Variants in DOCK2 observed in about 807,000 individuals in gnomAD.
DOCK2 encodes dedicator of cytokinesis protein 2.
Under a neutral mutation model 248.9 loss-of-function variants are expected in DOCK2, and 87 were observed. That is an observed-to-expected ratio of 0.35 (90% confidence interval 0.29 to 0.42). DOCK2 has a LOEUF of 0.42. Ranked by LOEUF, DOCK2 falls within the 10% of genes least tolerant of loss-of-function variation. The pLI is 1.00. For missense variants in DOCK2, 1,747 were observed against 2,300.2 expected, an observed-to-expected ratio of 0.76 and a Z score of 4.92; for synonymous variants, 805 against 821.6, an observed-to-expected ratio of 0.98 and a Z score of 0.35.
chr5:169,824,999 G>C (rs1422544869), intron 26 of DOCK2, among the ~76,000 whole-genome samples: 1 of 152,142 alleles, frequency 6.6e-6, no homozygotes, highest in Non-Finnish European at 1.5e-5. Context: ...CATTTATGCA[G>C]CCAAAAAACA....
At chr5:169,920,054 C>T (rs1396610863) in intron 27 of DOCK2, among the ~76,000 whole-genome samples, 1 of 152,122 alleles carries the variant, frequency 6.6e-6, no homozygotes, top group Non-Finnish European at 1.5e-5. Flanking sequence ...TAATCCACAA[C>T]ACAACTTTGT....
chr5:169,639,084 G>C (rs1757008943), intron 1 of DOCK2, among the ~76,000 whole-genome samples: 1 of 152,180 alleles, frequency 6.6e-6, no homozygotes, highest in South Asian at 2.1e-4. Context: ...TTCAAAGTTT[G>C]GATTTCCTTC....
chr5:169,867,621 CTATCATCT>C (rs2113440974), intron 27 of DOCK2, among the ~76,000 whole-genome samples: 1 of 84,650 alleles, frequency 1.2e-5, no homozygotes, highest in East Asian at 2.2e-4. Flanking sequence ...GTATCATTAT[CTATCATCT>C]ATCTATCTAT....
intron 27 of DOCK2, among the ~76,000 whole-genome samples, chr5:169,964,484 G>C (rs1777220318): frequency 1.3e-5 from 2 of 152,248 alleles, no homozygotes; most frequent in Non-Finnish European, 1.5e-5. Context: ...TCAGACAGGT[G>C]GCTCATGGGA....
chr5:169,962,475 T>G (rs560112621), intron 27 of DOCK2, among the ~76,000 whole-genome samples: 1 of 152,150 alleles, frequency 6.6e-6, no homozygotes, highest in Non-Finnish European at 1.5e-5. Context: ...GGTGTGAAGA[T>G]GAAGAATTCC....
intron 33 of DOCK2, among the ~76,000 whole-genome samples, chr5:170,019,954 C>T (rs1755663614): frequency 6.6e-6 from 1 of 152,148 alleles, no homozygotes; most frequent in South Asian, 2.1e-4. Flanking sequence ...ACCTCTTATT[C>T]CTACCATATC....
chr5:169,957,531 G>C (rs1251490257), intron 27 of DOCK2, among the ~76,000 whole-genome samples: 5 of 152,170 alleles, frequency 3.3e-5, no homozygotes, highest in Non-Finnish European at 7.3e-5. Context: ...GAGGTGTCAG[G>C]TGACTGCTCC....
chr5:169,683,589 C>T (rs1483536160), intron 7 of DOCK2, among the ~76,000 whole-genome samples: 1 of 152,176 alleles, frequency 6.6e-6, no homozygotes, highest in Admixed American at 6.5e-5. Context: ...TCCTCGTCAA[C>T]ACTTGATATC....
chr5:169,971,605 T>A (rs1208350259), intron 27 of DOCK2, among the ~76,000 whole-genome samples: 1 of 152,190 alleles, frequency 6.6e-6, no homozygotes. Context: ...CAGAGTGTGA[T>A]GATTCTGCCA....
At chr5:169,910,875 C>A (rs73325974) in intron 27 of DOCK2, among the ~76,000 whole-genome samples, 9,987 of 152,240 alleles carry the variant, frequency 0.066, 565 homozygotes, top group African/African-American at 0.14. Flanking sequence ...TCGGTTTCTC[C>A]TGCAGGGGGT....
intron 27 of DOCK2, among the ~76,000 whole-genome samples, chr5:169,910,666 C>T (rs573701057): frequency 1.1e-4 from 16 of 152,196 alleles, no homozygotes; most frequent in Non-Finnish European, 2.1e-4. Context: ...ATGAAGTCCC[C>T]AAAATGACCT....
chr5:169,675,437 A>G (rs1311166532), intron 6 of DOCK2, among the ~76,000 whole-genome samples: 1 of 152,236 alleles, frequency 6.6e-6, no homozygotes, highest in Non-Finnish European at 1.5e-5. Context: ...GGCTGTAGAA[A>G]TAAAAGTCCC....
intron 29 of DOCK2, among the ~76,000 whole-genome samples, chr5:169,989,466 A>G (rs904479482): frequency 3.9e-5 from 6 of 152,212 alleles, no homozygotes; most frequent in Non-Finnish European, 4.4e-5. Context: ...ACCACCAAAT[A>G]TTTATTGAAT....
Position 169,799,131 on chromosome 5 carries a change from A to G in DOCK2, c.2555-3927A>G, listed in dbSNP as rs148884099. 8.3e-3 allele frequency among the ~76,000 whole-genome samples: 1,262 copies of G among 152,328 alleles called. 1 individual carries two copies. Among genetic ancestry groups the G allele is most frequent in the Non-Finnish European group, 0.013 (900 of 68,018 alleles). ...TCACCTGGATTGTCATCACCATGGC[A>G]TCTTCACTGCAGTGACACAGATTTC... On this transcript the variant is annotated intron_variant, in intron 25 of 51. Transcript: ENST00000520908.
chr5:169,998,729 A>T (rs926576324), intron 30 of DOCK2, among the ~76,000 whole-genome samples: 1 of 152,208 alleles, frequency 6.6e-6, no homozygotes. Flanking sequence ...AGATGACTAC[A>T]GCCACGTGCC....
chr5:169,882,317 TA>T (rs1772702431), intron 27 of DOCK2, among the ~76,000 whole-genome samples: 1 of 152,168 alleles, frequency 6.6e-6, no homozygotes, highest in Non-Finnish European at 1.5e-5. Flanking sequence ...CCCATTCTGT[TA>T]ACACCTGAAA....
chr5:169,758,029 A>G (rs1764283953), intron 23 of DOCK2, among the ~76,000 whole-genome samples: 1 of 152,176 alleles, frequency 6.6e-6, no homozygotes, highest in South Asian at 2.1e-4. Flanking sequence ...TGAACAATCT[A>G]TCCTACAAGG....
chr5:169,941,213 A>G (rs1312551483), intron 27 of DOCK2, among the ~76,000 whole-genome samples: 1 of 151,948 alleles, frequency 6.6e-6, no homozygotes, highest in Non-Finnish European at 1.5e-5. Flanking sequence ...ATTTATTGTT[A>G]TTATTATTTT....
At chr5:169,938,905 C>CT (rs1776108836) in intron 27 of DOCK2, among the ~76,000 whole-genome samples, 1 of 125,620 alleles carries the variant, frequency 8.0e-6, no homozygotes. Flanking sequence ...TCTTTTTTTT[C>CT]TTTTCTTTTT....
Sources: allele counts gnomAD v4.1 joint callset (sites outside exome capture counted in the v4.1 genomes callset), GRCh38; gene constraint gnomAD v4.1.1; transcripts MANE v1.5; gene names NCBI Gene and HGNC (gene_info 2026-07-23, HGNC 2026-07-21).